Variants in SCIN observed in about 807,000 individuals in gnomAD.
The protein encoded by SCIN is adseverin.
In SCIN, 91 loss-of-function variants were observed where a neutral mutation model predicts 91.8. The observed-to-expected ratio is 0.99, with a 90% confidence interval of 0.84 to 1.18. The LOEUF is 1.18. Ranked by LOEUF, SCIN falls within the 50% of genes most tolerant of loss-of-function variation. SCIN has a pLI of 0.00. For synonymous variants in SCIN, 367 were observed against 312.6 expected (o/e 1.17, Z -1.84); for missense variants, 1,087 against 863.9 (o/e 1.26, Z -3.24).
At chr7:12,611,239 A>T (rs1315927198) in intron 4 of SCIN, 1 of 152,198 alleles carries the variant, frequency 6.6e-6, no homozygotes, top group Non-Finnish European at 1.5e-5. Context: ...CCCCAAAGTT[A>T]ATGTCAAAAG....
Position 12,651,296 on chromosome 7 carries a change from G to A in SCIN, c.1960-545G>A, listed in dbSNP as rs573340088. 6.6e-6 allele frequency among the ~76,000 whole-genome samples: 1 copy of A among 152,252 alleles called. No individual in the cohort carries two copies. Among genetic ancestry groups the A allele is most frequent in the Non-Finnish European group, 1.5e-5 (1 of 68,012 alleles). ...GACCTTTAAGAGTGTGATACTCTCA[G>A]TTAATCTTCCCTAGATCCCGAAAAG... is the stretch of plus-strand genomic sequence containing the variant. On this transcript the variant is annotated intron_variant, in intron 14 of 15. Transcript: ENST00000297029. This position sits in a 1 kb window ranked among gnomAD's most constrained non-coding sequence, Gnocchi z 5.9.
intron 9 of SCIN, among the ~76,000 whole-genome samples, chr7:12,629,700 G>C (rs1239892212): frequency 6.6e-6 from 1 of 152,056 alleles, no homozygotes; most frequent in Non-Finnish European, 1.5e-5. Context: ...AAATTCACAA[G>C]AATAATGGAA....
intron 9 of SCIN, among the ~76,000 whole-genome samples, chr7:12,635,398 T>C (rs1783727042): frequency 1.3e-5 from 2 of 150,418 alleles, no homozygotes; most frequent in African/African-American, 2.4e-5. Flanking sequence ...GATCATGAGG[T>C]CAGGAGTTTG....
Position 12,658,168 on chromosome 7 carries a change from G to A in SCIN, c.*5453G>A, listed in dbSNP as rs534055649. 31 of 152,212 alleles carry A rather than the reference G, an allele frequency of 2.0e-4. No individual in the cohort carries two copies. Among genetic ancestry groups the A allele is most frequent in the African/African-American group, 6.5e-4 (27 of 41,516 alleles). 9.4% of individuals were successfully genotyped at this position (152,212 alleles called of 1,614,324 possible). ...TTGATGTTATCCAAATCATTCTAACGCCAACTTCTAGGTAAACAGTAAACA... is the reference window on the plus strand; with the variant it reads ...TTGATGTTATCCAAATCATTCTAACACCAACTTCTAGGTAAACAGTAAACA... On this transcript the variant is annotated 3_prime_UTR_variant, in exon 16 of 16. Coordinates refer to ENST00000297029, the MANE Select transcript of SCIN (RefSeq NM_001112706.3).
chr7:12,629,833 A>C (rs1034498094), intron 9 of SCIN, among the ~76,000 whole-genome samples: 2 of 152,206 alleles, frequency 1.3e-5, no homozygotes, highest in African/African-American at 4.8e-5. Context: ...ATTTATGTGC[A>C]TACACCATGC....
rs142281832 is a variant in SCIN at position 12,644,528 on chromosome 7, G to A, written c.1760-56G>A. On this transcript the variant is annotated intron_variant, in intron 12 of 15. Transcript: ENST00000297029. The stretch of plus-strand genomic sequence containing the variant: ...GAGATAATATTTGTTCATATAAAGC[G>A]ACAGCAAGCATATGTCCCTGAAAAT... 1,586 of 1,590,200 alleles carry A rather than the reference G, an allele frequency of 1.0e-3. 20 individuals are homozygous for A. The African/African-American group carries it at 0.019, about 19-fold the overall frequency.
At position 12,653,429 on chromosome 7, in the gene SCIN, T is replaced by A. The variant is rs191959977; in HGVS notation, c.*714T>A. On this transcript the variant is annotated 3_prime_UTR_variant, in exon 16 of 16. Coordinates refer to ENST00000297029, the MANE Select transcript of SCIN (RefSeq NM_001112706.3). The surrounding 1 kb of genome is among the most constrained non-coding windows in gnomAD (Gnocchi z 4.1). ...GGAAGTTATTCTCTTTTCTATAGAT[T>A]GTGTTCAAAAGATGTGTATACTTGC... is the stretch of plus-strand genomic sequence containing the variant. 9 of 152,242 alleles carry A rather than the reference T, an allele frequency of 5.9e-5. No homozygotes were observed. The highest frequency in any genetic ancestry group is 2.2e-4 in the African/African-American group (9 of 41,482). 9.4% of individuals were successfully genotyped at this position (152,242 alleles called of 1,614,324 possible).
At chr7:12,581,037 G>A (rs1400726767) in intron 2 of SCIN, 23 bp from the exon 3 acceptor site, 2 of 1,545,380 alleles carry the variant, frequency 1.3e-6, no homozygotes, top group South Asian at 1.2e-5. Flanking sequence ...TTTTTTGTGT[G>A]TCTGTCTTCC....
intron 4 of SCIN, among the ~76,000 whole-genome samples, chr7:12,618,330 C>T (rs1212821995): frequency 3.9e-5 from 6 of 152,158 alleles, no homozygotes; most frequent in Non-Finnish European, 8.8e-5. Flanking sequence ...TTCTACAGGA[C>T]AGCACTGCGC....
intron 9 of SCIN, among the ~76,000 whole-genome samples, chr7:12,635,258 A>G (rs1783724203): frequency 6.6e-6 from 1 of 151,750 alleles, no homozygotes; most frequent in East Asian, 1.9e-4. Context: ...TCTCATTATT[A>G]TTTTCTTGAT....
intron 5 of SCIN, 75 bp from the exon 6 acceptor site, chr7:12,624,935 C>T: frequency 7.0e-7 from 1 of 1,434,822 alleles, no homozygotes; most frequent in African/African-American, 1.4e-5. Context: ...GTTGTACAAC[C>T]ATTACCATAA....
At chr7:12,622,920 G>T (rs773536193) in intron 5 of SCIN, 27 bp downstream of exon 5, 1 of 1,534,572 alleles carries the variant, frequency 6.5e-7, no homozygotes, top group South Asian at 1.1e-5. Context: ...CAAATTTATT[G>T]TTTCAACAGT....
chr7:12,601,539 C>A (rs1782958320), intron 3 of SCIN, among the ~76,000 whole-genome samples: 1 of 152,132 alleles, frequency 6.6e-6, no homozygotes, highest in Non-Finnish European at 1.5e-5. Flanking sequence ...AAGCACAGTG[C>A]AAATGTATTA....
intron 7 of SCIN, 40 bp from the exon 8 acceptor site, chr7:12,626,544 T>C: frequency 6.4e-6 from 9 of 1,397,800 alleles, no homozygotes; most frequent in Non-Finnish European, 7.8e-6. Flanking sequence ...CCTTAATTTC[T>C]TATTTTCCTG....
At chr7:12,633,725 G>A (rs890692473) in intron 9 of SCIN, among the ~76,000 whole-genome samples, 18 of 152,186 alleles carry the variant, frequency 1.2e-4, no homozygotes, top group Admixed American at 9.2e-4. Flanking sequence ...AGCTGGAAGC[G>A]AGAACTCAGG....
At chr7:12,647,019 G>GGTA (rs1783978521) in intron 13 of SCIN, among the ~76,000 whole-genome samples, 1 of 151,512 alleles carries the variant, frequency 6.6e-6, no homozygotes, top group Non-Finnish European at 1.5e-5. Context: ...TTATTGTTTT[G>GGTA]ACTTGATATT....
intron 9 of SCIN, among the ~76,000 whole-genome samples, chr7:12,630,843 C>T (rs1405460382): frequency 6.6e-6 from 1 of 152,130 alleles, no homozygotes; most frequent in Non-Finnish European, 1.5e-5. Context: ...TATATCAATA[C>T]CAGGTAGTTA....
At chr7:12,577,904 A>C (rs1782408767) in intron 1 of SCIN, 160 bp from the exon 2 acceptor site, 4 of 631,740 alleles carry the variant, frequency 6.3e-6, no homozygotes, top group African/African-American at 1.9e-5. Flanking sequence ...TAGCAAAATA[A>C]TGTATTACAT....
At chr7:12,607,257 T>G (rs1409078542) in intron 4 of SCIN, among the ~76,000 whole-genome samples, 1 of 152,202 alleles carries the variant, frequency 6.6e-6, no homozygotes, top group African/African-American at 2.4e-5. Flanking sequence ...TCTAATGATC[T>G]ATCCTTCTAC....
Sources: allele counts gnomAD v4.1 joint callset (sites outside exome capture counted in the v4.1 genomes callset), GRCh38; gene constraint gnomAD v4.1.1; non-coding constraint Gnocchi (gnomAD v3.1); transcripts MANE v1.5; gene names NCBI Gene and HGNC (gene_info 2026-07-23, HGNC 2026-07-21).